TTC39C: variants seen among roughly 807,000 people sequenced by gnomAD.
TTC39C encodes the protein tetratricopeptide repeat protein 39C.
TTC39C carries 33 observed loss-of-function variants against 76.3 expected under a neutral mutation model. The ratio of observed to expected loss-of-function variants is 0.43; its 90% CI spans 0.33 to 0.58. TTC39C has a LOEUF of 0.58. Ranked by LOEUF, TTC39C falls within the 20% of genes least tolerant of loss-of-function variation. TTC39C has a pLI of 0.04. For missense variants in TTC39C, 595 were observed against 701.4 expected (o/e 0.85, Z 1.71); for synonymous variants, 254 against 260.6 (o/e 0.97, Z 0.24).
At chr18:24,015,087 T>C in intron 1 of TTC39C, 49 bp downstream of exon 1, 3 of 1,364,912 alleles carry the variant, frequency 2.2e-6, no homozygotes, top group Non-Finnish European at 2.9e-6. Flanking sequence ...GCACCTCGTG[T>C]CCGGCTCACG....
chr18:24,069,662 T>C (rs1015626891), intron 4 of TTC39C, among the ~76,000 whole-genome samples: 1 of 152,204 alleles, frequency 6.6e-6, no homozygotes, highest in Admixed American at 6.5e-5. Context: ...GTGGCTTCAA[T>C]GGTTTCACGT....
intron 6 of TTC39C, among the ~76,000 whole-genome samples, chr18:24,102,752 G>T (rs755487245): frequency 1.3e-5 from 2 of 152,192 alleles, no homozygotes; most frequent in African/African-American, 4.8e-5. Flanking sequence ...CACCCCACAT[G>T]TTGGCCCCTC....
chr18:24,028,563 G>A (rs931622791), intron 1 of TTC39C, among the ~76,000 whole-genome samples: 1 of 152,174 alleles, frequency 6.6e-6, no homozygotes, highest in Admixed American at 6.5e-5. Flanking sequence ...GAAGAAAAAT[G>A]TAGATGCCTT....
rs546939800 is a variant in TTC39C at position 24,063,934 on chromosome 18, C to T, written c.168-206C>T. Among the ~76,000 whole-genome samples, 395 of 152,264 alleles carry T rather than the reference C, an allele frequency of 2.6e-3. 1 individual carries two copies. The highest frequency in any genetic ancestry group is 4.2e-3 in the Non-Finnish European group (289 of 68,026). ...TTGCCTTGCTTTGAAGAATCAGAGG[C>T]AAATTCTATCCTGGCAGATAGAGCC... is the stretch of plus-strand genomic sequence containing the variant. On this transcript the variant is annotated intron_variant, in intron 1 of 13. Transcript: ENST00000317571.
At chr18:24,087,265 T>C (rs908604231) in intron 6 of TTC39C, among the ~76,000 whole-genome samples, 4 of 152,236 alleles carry the variant, frequency 2.6e-5, no homozygotes, top group African/African-American at 9.6e-5. Flanking sequence ...ATTTTTACAA[T>C]ATTAGGGACA....
chr18:24,092,961 G>A (rs1464399202), intron 6 of TTC39C, among the ~76,000 whole-genome samples: 1 of 152,162 alleles, frequency 6.6e-6, no homozygotes, highest in Non-Finnish European at 1.5e-5. Context: ...CCAGCTCTTT[G>A]GAAGGCTGAG....
intron 7 of TTC39C, 114 bp from the exon 8 acceptor site, chr18:24,118,011 G>T (rs149650093): frequency 1.5e-5 from 10 of 675,242 alleles, no homozygotes; most frequent in Non-Finnish European, 2.3e-5. Context: ...ACTTTTTTAC[G>T]CATTTCATAG....
chr18:24,074,157 TAA>T (rs2084275167), intron 4 of TTC39C, among the ~76,000 whole-genome samples: 1 of 152,210 alleles, frequency 6.6e-6, no homozygotes, highest in Admixed American at 6.5e-5. Context: ...CATAGACATA[TAA>T]GTTAGTTATA....
At chr18:24,038,309 G>A (rs1371079032) in intron 1 of TTC39C, among the ~76,000 whole-genome samples, 5 of 152,128 alleles carry the variant, frequency 3.3e-5, no homozygotes, top group African/African-American at 1.2e-4. Context: ...TTGAGACAGA[G>A]TCTCACTCAG....
intron 4 of TTC39C, among the ~76,000 whole-genome samples, chr18:24,069,851 T>C (rs928570158): frequency 6.6e-6 from 1 of 152,254 alleles, no homozygotes; most frequent in East Asian, 1.9e-4. Flanking sequence ...CCTCTAAAAC[T>C]TGTCCTATGA....
chr18:24,007,842 G>T (rs530616582), intron 1 of TTC39C, among the ~76,000 whole-genome samples: 10 of 152,228 alleles, frequency 6.6e-5, no homozygotes, highest in Middle Eastern at 6.8e-3. Flanking sequence ...ATTTTAGCTG[G>T]GAATTTCAAG....
At chr18:24,116,819 G>GTTTTTTTTTTTTTT (rs767138108) in intron 7 of TTC39C, among the ~76,000 whole-genome samples, 1 of 95,070 alleles carries the variant, frequency 1.1e-5, no homozygotes, top group African/African-American at 4.1e-5. Context: ...TGATACCTTA[G>GTTTTTTTTTTTTTT]TTTTTTTTTT....
In TTC39C at chr18:24,134,359, T is replaced by G. The variant is rs1318030677; in HGVS notation, c.*1785T>G. 7.2e-6 allele frequency: 1 copy of G among 139,154 alleles called. No individual in the cohort carries two copies. The allele number at this position is 139,154 out of a possible 1,614,324, so 8.6% of individuals were successfully genotyped here. The stretch of plus-strand genomic sequence containing the variant: ...CGTGATCTTGGCTCACTGCAACCTC[T>G]GCCTCCTGGGTTCACACCATTCTCC... On this transcript the variant is annotated 3_prime_UTR_variant, in exon 14 of 14. Transcript: ENST00000317571.
At chr18:24,003,201 C>G (rs549435584) in intron 1 of TTC39C, among the ~76,000 whole-genome samples, 1 of 152,310 alleles carries the variant, frequency 6.6e-6, no homozygotes, top group African/African-American at 2.4e-5. Flanking sequence ...TGCCATTGCT[C>G]CTCTGCCTGG....
intron 1 of TTC39C, among the ~76,000 whole-genome samples, chr18:24,056,122 G>A (rs991159647): frequency 6.6e-6 from 1 of 152,134 alleles, no homozygotes; most frequent in African/African-American, 2.4e-5. Flanking sequence ...AACTCCAGTG[G>A]CCCCCTGGGT....
intron 10 of TTC39C, among the ~76,000 whole-genome samples, chr18:24,126,492 G>A: frequency 6.8e-6 from 1 of 147,938 alleles, no homozygotes; most frequent in Non-Finnish European, 1.5e-5. Context: ...AATTGCCAAT[G>A]TTGCTATTCT....
intron 6 of TTC39C, among the ~76,000 whole-genome samples, chr18:24,093,295 T>C (rs955454406): frequency 1.3e-5 from 2 of 152,128 alleles, no homozygotes; most frequent in Non-Finnish European, 2.9e-5. Context: ...CTGGCTAACA[T>C]GGTGAAACCC....
At chr18:24,042,739 G>A (rs2083812220) in intron 1 of TTC39C, among the ~76,000 whole-genome samples, 1 of 152,174 alleles carries the variant, frequency 6.6e-6, no homozygotes, top group Non-Finnish European at 1.5e-5. Flanking sequence ...TCTGTCCTGT[G>A]TATGATATGA....
At chr18:24,012,032 C>A (rs142222238), upstream of TTC39C, among the ~76,000 whole-genome samples, 11 of 152,268 alleles carry the variant, frequency 7.2e-5, no homozygotes, top group East Asian at 2.1e-3. Flanking sequence ...GCCTTTATAA[C>A]CTGACATTTT....
Sources: gnomAD v4.1 joint callset for allele counts (sites outside exome capture counted in the v4.1 genomes callset) on GRCh38, gnomAD v4.1.1 for gene constraint, MANE v1.5 for transcripts, NCBI Gene and HGNC (gene_info 2026-07-23, HGNC 2026-07-21) for gene names.